CBX5: variants seen among roughly 807,000 people sequenced by gnomAD.
CBX5 encodes the protein chromobox 5.
Under a neutral mutation model 20.7 loss-of-function variants are expected in CBX5, and 7 were observed. The ratio of observed to expected loss-of-function variants is 0.34; its 90% CI spans 0.19 to 0.63. The LOEUF (loss-of-function observed/expected upper bound fraction) is 0.63. Ranked by LOEUF, CBX5 falls within the 30% of genes least tolerant of loss-of-function variation. CBX5 has a pLI of 0.75. For missense variants in CBX5, 110 were observed against 224.1 expected, an observed-to-expected ratio of 0.49 and a Z score of 3.25; for synonymous variants, 78 against 77.0, an observed-to-expected ratio of 1.01 and a Z score of -0.07.
chr12:54,263,635 C>T (rs1172649373), intron 1 of CBX5, among the ~76,000 whole-genome samples: 3 of 150,506 alleles, frequency 2.0e-5, no homozygotes, highest in Admixed American at 6.6e-5. Context: ...GAGGCAGTTA[C>T]GCACCTGTAA....
At chr12:54,257,831 T>C in intron 1 of CBX5, 139 bp from the exon 2 acceptor site, 1 of 594,532 alleles carries the variant, frequency 1.7e-6, no homozygotes, top group South Asian at 2.3e-5. Flanking sequence ...TACAGATGAG[T>C]CCTAAGAGTT....
At chr12:54,277,465 A>G (rs1051087249) in intron 1 of CBX5, among the ~76,000 whole-genome samples, 1 of 152,124 alleles carries the variant, frequency 6.6e-6, no homozygotes, top group African/African-American at 2.4e-5. Context: ...TCGGCCTCCC[A>G]AAGTGCTGGG....
chr12:54,261,563 G>A (rs557389532), intron 1 of CBX5, among the ~76,000 whole-genome samples: 1 of 152,218 alleles, frequency 6.6e-6, no homozygotes, highest in East Asian at 1.9e-4. Context: ...CCAAAGTGCT[G>A]GGATTACAGG....
At position 54,274,415 on chromosome 12, in the gene CBX5, T is replaced by C. The variant is rs73321076; in HGVS notation, c.-43+5593A>G. The C allele has an allele frequency of 2.2e-3, 335 of 152,328 alleles. 3 individuals are homozygous for C. The highest frequency in any genetic ancestry group is 7.8e-3 in the African/African-American group (324 of 41,584). The allele number at this position is 152,328 out of a possible 1,614,324, so 9.4% of individuals were successfully genotyped here. Reference sequence around the variant, plus strand: ...ATTGCCCAGAGTCCGAGTTCACGAATAGCAGATATGTAAACAGCCATACTA... The same window carrying C: ...ATTGCCCAGAGTCCGAGTTCACGAACAGCAGATATGTAAACAGCCATACTA... On this transcript the variant is annotated intron_variant, in intron 1 of 4. Transcript: ENST00000209875.
chr12:54,245,788 A>AAAATAAAT (rs971240574), intron 4 of CBX5, among the ~76,000 whole-genome samples: 3 of 151,858 alleles, frequency 2.0e-5, no homozygotes, highest in African/African-American at 4.8e-5. Flanking sequence ...CTTTGTCTCA[A>AAAATAAAT]AAATAAATAA....
At chr12:54,245,927 G>A (rs1300394466) in intron 4 of CBX5, among the ~76,000 whole-genome samples, 188 bp downstream of exon 4, 2 of 152,158 alleles carry the variant, frequency 1.3e-5, no homozygotes, top group Non-Finnish European at 1.5e-5. Flanking sequence ...GCAGTGAGCT[G>A]AGTGAGATCG....
chr12:54,246,736 G>A (rs747310502), intron 3 of CBX5, among the ~76,000 whole-genome samples: 5 of 140,956 alleles, frequency 3.5e-5, no homozygotes, highest in Non-Finnish European at 7.5e-5. Context: ...AGCTGAGACC[G>A]CACCACTGCA....
At chr12:54,279,353 G>GGAA (rs979357053) in intron 1 of CBX5, among the ~76,000 whole-genome samples, 5 of 152,052 alleles carry the variant, frequency 3.3e-5, no homozygotes, top group Non-Finnish European at 5.9e-5. Flanking sequence ...AGGGGGCGGG[G>GGAA]GAAAAATGCT....
At chr12:54,250,053 T>C (rs540865524) in intron 3 of CBX5, among the ~76,000 whole-genome samples, 9 of 151,980 alleles carry the variant, frequency 5.9e-5, no homozygotes, top group African/African-American at 1.7e-4. Context: ...AGAAACACCC[T>C]CTCTACTAAA....
chr12:54,269,815 G>A (rs1445663745), intron 1 of CBX5, among the ~76,000 whole-genome samples: 1 of 152,108 alleles, frequency 6.6e-6, no homozygotes. Flanking sequence ...TGTTTCCTGG[G>A]CTGGTCTTGA....
At position 54,239,665 on chromosome 12, in the gene CBX5, T is replaced by C. The variant is rs553561438; in HGVS notation, c.*2090A>G. 3 of 152,308 alleles carry C rather than the reference T, an allele frequency of 2.0e-5. No individual in the cohort carries two copies. The highest frequency in any genetic ancestry group is 6.5e-5 in the Admixed American group (1 of 15,306). The allele number at this position is 152,308 out of a possible 1,614,324, so 9.4% of individuals were successfully genotyped here. A position where few individuals can be genotyped will look rare whatever the true frequency, so the allele number is the denominator to read the frequency against. On this transcript the variant is annotated 3_prime_UTR_variant, in exon 5 of 5. Coordinates refer to ENST00000209875, the MANE Select transcript of CBX5 (RefSeq NM_012117.3). ...AATTCCTTCAGAGAGAGAAGGAATA[T>C]AGAGATAAAACTCCCACCCACTTGA...
intron 2 of CBX5, among the ~76,000 whole-genome samples, chr12:54,257,207 A>G (rs1262927703): frequency 6.6e-6 from 1 of 152,154 alleles, no homozygotes; most frequent in African/African-American, 2.4e-5. Context: ...AAAATGATTA[A>G]GGAAATTAGC....
chr12:54,262,792 G>T (rs1312904134), intron 1 of CBX5: 1 of 152,486 alleles, frequency 6.6e-6, no homozygotes, highest in Non-Finnish European at 1.5e-5. Flanking sequence ...CTGAGCTTAG[G>T]AGGAGGGAGC....
chr12:54,268,950 ATAG>A (rs1193962883), intron 1 of CBX5, among the ~76,000 whole-genome samples: 3 of 152,222 alleles, frequency 2.0e-5, no homozygotes, highest in African/African-American at 7.2e-5. Context: ...TAAATGTCTG[ATAG>A]TAGATGAAGT....
rs2137004952 is a variant in CBX5 at position 54,236,171 on chromosome 12, C to T, written c.*5584G>A. On this transcript the variant is annotated 3_prime_UTR_variant, in exon 5 of 5. Transcript: ENST00000209875. ...AGGGCTACAAACTATACAACATCAG[C>T]CAGTCTGTCTCTGCCCCCAAGTCAG... 6.6e-6 allele frequency: 1 copy of T among 152,346 alleles called. No homozygotes were observed. The highest frequency in any genetic ancestry group is 2.1e-4 in the South Asian group (1 of 4,824). 9.4% of individuals were successfully genotyped at this position (152,346 alleles called of 1,614,324 possible). A position where few individuals can be genotyped will look rare whatever the true frequency, so the allele number is the denominator to read the frequency against.
rs1218060606 is a variant in CBX5, at chr12:54,232,185, C to G, written c.*9570G>C. 6.6e-6 allele frequency: 1 copy of G among 152,120 alleles called. No individual in the cohort carries two copies. Among genetic ancestry groups the G allele is most frequent in the South Asian group, 2.1e-4 (1 of 4,830 alleles). 9.4% of individuals were successfully genotyped at this position (152,120 alleles called of 1,614,324 possible). On this transcript the variant is annotated 3_prime_UTR_variant, in exon 5 of 5. Transcript: ENST00000209875. Reference sequence around the variant, plus strand: ...GACACAGAAAATCCCAAGTGCCTTCCCCAACAACATCCTAAGTAAGTCTGG... The same window carrying G: ...GACACAGAAAATCCCAAGTGCCTTCGCCAACAACATCCTAAGTAAGTCTGG...
chr12:54,264,175 T>C lies in CBX5; in HGVS notation c.-42-6483A>G, dbSNP rs531415372. On this transcript the variant is annotated intron_variant, in intron 1 of 4. Transcript: ENST00000209875. ...CTCATCCCTCCAGTCATTTCTTTTT[T>C]GAGACAGGGCCTCGTTCTGTTGTTC... 3.9e-5 allele frequency among the ~76,000 whole-genome samples: 6 copies of C among 152,352 alleles called. No individual in the cohort carries two copies. The East Asian group carries it at 1.2e-3, about 29-fold the overall frequency.
At chr12:54,254,519 A>G (rs1021508583) in intron 2 of CBX5, among the ~76,000 whole-genome samples, 1 of 151,626 alleles carries the variant, frequency 6.6e-6, no homozygotes, top group African/African-American at 2.4e-5. Flanking sequence ...TTGAGCTAAT[A>G]TGGGAAAGTT....
chr12:54,264,567 G>A (rs1387255634), intron 1 of CBX5, among the ~76,000 whole-genome samples: 3 of 152,214 alleles, frequency 2.0e-5, no homozygotes, highest in Non-Finnish European at 4.4e-5. Flanking sequence ...AGCCAGCCGG[G>A]CGCAGTGGCT....
Sources: gnomAD v4.1 joint callset for allele counts (sites outside exome capture counted in the v4.1 genomes callset) on GRCh38, gnomAD v4.1.1 for gene constraint, MANE v1.5 for transcripts, NCBI Gene and HGNC (gene_info 2026-07-23, HGNC 2026-07-21) for gene names.